The following MAPKAPK2 variants were observed in gnomAD, a reference collection of about 807,000 sequenced individuals.
MAPKAPK2 encodes the protein MAPK activated protein kinase 2, also known as MAP kinase-activated protein kinase 2.
MAPKAPK2 carries 9 observed loss-of-function variants against 48.8 expected under a neutral mutation model. The observed-to-expected ratio is 0.18, with a 90% CI of 0.11 to 0.32. MAPKAPK2 has a LOEUF of 0.32. MAPKAPK2 is among the 10% of genes least tolerant of loss of function. MAPKAPK2 has a pLI of 1.00. For synonymous variants in MAPKAPK2, 202 were observed against 190.6 expected (o/e 1.06, Z -0.49); for missense variants, 331 against 498.3 (o/e 0.66, Z 3.20).
chr1:206,696,239 C>A, intron 1 of MAPKAPK2: 1 of 1,389,622 alleles, frequency 7.2e-7, no homozygotes, highest in East Asian at 2.3e-5. Context: ...ACCTGTTCTT[C>A]CTTCTTTTCC....
chr1:206,722,830 C>A (rs1403388306), intron 1 of MAPKAPK2, among the ~76,000 whole-genome samples: 1 of 152,222 alleles, frequency 6.6e-6, no homozygotes, highest in Non-Finnish European at 1.5e-5. Context: ...TCCTTTACAC[C>A]CCTCAGAGCA....
chr1:206,704,034 T>C lies in MAPKAPK2; in HGVS notation c.279+18526T>C, dbSNP rs1672878813. Among the ~76,000 whole-genome samples the C allele has an allele frequency of 6.6e-6, 1 of 152,186 alleles. No individual in the cohort carries two copies. Among genetic ancestry groups the C allele is most frequent in the Non-Finnish European group, 1.5e-5 (1 of 68,022 alleles). ...CACCCTTTCAGGGTCTGCTTCATTA[T>C]GAATGAAGCAAAAAGCCTATCCCAG... On this transcript the variant is annotated intron_variant, in intron 1 of 9. Coordinates refer to ENST00000367103, the MANE Select transcript of MAPKAPK2 (RefSeq NM_032960.4). The surrounding 1 kb of genome is among the most constrained non-coding windows in gnomAD (Gnocchi z 4.3).
chr1:206,685,590 G>C (rs1672264552), intron 1 of MAPKAPK2, 82 bp downstream of exon 1: 22 of 1,196,558 alleles, frequency 1.8e-5, no homozygotes, highest in Non-Finnish European at 2.1e-5. Flanking sequence ...GTCCCGGCCT[G>C]GGTCGCGGCG....
chr1:206,723,769 C>G (rs1558585905), intron 1 of MAPKAPK2, among the ~76,000 whole-genome samples: 1 of 152,194 alleles, frequency 6.6e-6, no homozygotes, highest in Admixed American at 6.5e-5. Flanking sequence ...CCTTCTTCCC[C>G]TCAGGTGCTG....
chr1:206,724,492 T>C (rs4845132), intron 1 of MAPKAPK2, among the ~76,000 whole-genome samples: 147,961 of 151,692 alleles, frequency 0.98, 72,181 homozygotes, highest in East Asian at 1. Context: ...GTTGATTTTC[T>C]TATCCAGTCA....
chr1:206,723,979 AG>A (rs1313476082), intron 1 of MAPKAPK2, among the ~76,000 whole-genome samples: 3 of 152,244 alleles, frequency 2.0e-5, no homozygotes, highest in Non-Finnish European at 4.4e-5. Context: ...AGAGAATTTC[AG>A]GCACAAACTG....
chr1:206,731,502 T>A lies in MAPKAPK2; in HGVS notation c.893-138T>A, dbSNP rs898723401. ...CTCTCAAGTGGTACAGCCGTAATGG[T>A]CCTTGGGGCCAGTTGCTCCGGCAGC... On this transcript the variant is annotated intron_variant, in intron 7 of 9. Transcript: ENST00000367103. The surrounding 1 kb of genome is among the most constrained non-coding windows in gnomAD (Gnocchi z 5.9). The A allele has an allele frequency of 8.0e-5, 86 of 1,071,214 alleles. No homozygotes were observed. The highest frequency in any genetic ancestry group is 1.1e-4 in the Non-Finnish European group (80 of 708,908). The allele number at this position is 1,071,214 out of a possible 1,614,324, so 66.4% of individuals were successfully genotyped here.
intron 1 of MAPKAPK2, among the ~76,000 whole-genome samples, chr1:206,694,864 G>A (rs1394283331): frequency 6.6e-6 from 1 of 152,216 alleles, no homozygotes; most frequent in African/African-American, 2.4e-5. Context: ...CAGATCTCTG[G>A]CAGATGGGGA....
In MAPKAPK2 at chr1:206,731,490, C is replaced by G. The variant is rs1673909557; in HGVS notation, c.893-150C>G. 9.4e-7 allele frequency: 1 copy of G among 1,069,396 alleles called. No homozygotes were observed. Among genetic ancestry groups the G allele is most frequent in the Non-Finnish European group, 1.4e-6 (1 of 716,464 alleles). 66.2% of individuals were successfully genotyped at this position (1,069,396 alleles called of 1,614,324 possible). ...GCTGTGCAGGGCCTCTCAAGTGGTA[C>G]AGCCGTAATGGTCCTTGGGGCCAGT... On this transcript the variant is annotated intron_variant, in intron 7 of 9. Transcript: ENST00000367103. This position sits in a 1 kb window ranked among gnomAD's most constrained non-coding sequence, Gnocchi z 5.9.
intron 1 of MAPKAPK2, among the ~76,000 whole-genome samples, chr1:206,720,933 G>T (rs1038902320): frequency 2.0e-5 from 3 of 152,192 alleles, no homozygotes; most frequent in Non-Finnish European, 2.9e-5. Flanking sequence ...AGTGGCTGTA[G>T]ATTGTGTAGC....
At chr1:206,706,734 T>C (rs1233700439) in intron 1 of MAPKAPK2, among the ~76,000 whole-genome samples, 2 of 152,190 alleles carry the variant, frequency 1.3e-5, no homozygotes, top group African/African-American at 4.8e-5. Flanking sequence ...AAATCGGTCA[T>C]GATGGAAATT....
intron 5 of MAPKAPK2, 77 bp from the exon 6 acceptor site, chr1:206,730,611 A>T: frequency 8.0e-7 from 1 of 1,250,522 alleles, no homozygotes; most frequent in Non-Finnish European, 1.2e-6. Context: ...TGGGATGGGG[A>T]GCATCTTTCA....
chr1:206,729,973 C>G lies in MAPKAPK2; in HGVS notation c.566C>G (p.Pro189Arg). The G allele has an allele frequency of 6.2e-7, 1 of 1,614,226 alleles. No individual in the cohort carries two copies. Among genetic ancestry groups the G allele is most frequent in the Non-Finnish European group, 8.5e-7 (1 of 1,180,032 alleles). ...ATTTTTCTGTCTCTCTTTCTGTAGC[C>G]TGAGAATCTCTTATACACCTCCAAA... ...SINIAHRDVK[P>R]ENLLYTSKRP... is the part of the protein sequence containing the mutation. Residue 189 changes from proline (P) to arginine (R), a missense_variant and splice_region_variant, in exon 5 of 10, where the codon CCT becomes CGT. Physicochemically the swap from Pro to Arg is moderately radical, Grantham distance 103. This residue lies in a region of MAPKAPK2 where 111 missense variants were observed against 193.6 expected (regional missense o/e 0.57). Transcript: ENST00000367103.
At position 206,704,917 on chromosome 1, in the gene MAPKAPK2, C is replaced by T. The variant is rs1189232977; in HGVS notation, c.279+19409C>T. Reference sequence around the variant, plus strand: ...CCGTTTCTCCAAGTGCAGCGCCAGTCCCGAGACACTCTGTGATCATCTAAA... The same window carrying T: ...CCGTTTCTCCAAGTGCAGCGCCAGTTCCGAGACACTCTGTGATCATCTAAA... On this transcript the variant is annotated intron_variant, in intron 1 of 9. Transcript: ENST00000367103. This position sits in a 1 kb window ranked among gnomAD's most constrained non-coding sequence, Gnocchi z 4.3. Among the ~76,000 whole-genome samples the T allele has an allele frequency of 1.3e-5, 2 of 152,184 alleles. No individual in the cohort carries two copies. The highest frequency in any genetic ancestry group is 3.8e-4 in the East Asian group (2 of 5,198).
chr1:206,690,770 A>G (rs1672432027), intron 1 of MAPKAPK2, among the ~76,000 whole-genome samples: 2 of 152,208 alleles, frequency 1.3e-5, no homozygotes, highest in South Asian at 4.1e-4. Flanking sequence ...AGCAGGGCAC[A>G]GTCGTCTGCA....
intron 1 of MAPKAPK2, among the ~76,000 whole-genome samples, chr1:206,700,026 TAAAG>T (rs1222980796): frequency 1.1e-4 from 16 of 146,784 alleles, no homozygotes; most frequent in Admixed American, 3.4e-4. Flanking sequence ...TTTTTTTAAA[TAAAG>T]AAAGAAGCAG....
At chr1:206,718,725 AC>A (rs1209470896) in intron 1 of MAPKAPK2, among the ~76,000 whole-genome samples, 1 of 151,862 alleles carries the variant, frequency 6.6e-6, no homozygotes, top group East Asian at 1.9e-4. Flanking sequence ...TTATCTGACC[AC>A]CCTCTTATTG....
chr1:206,720,225 A>G (rs1420861348), intron 1 of MAPKAPK2, among the ~76,000 whole-genome samples: 3 of 152,272 alleles, frequency 2.0e-5, no homozygotes, highest in African/African-American at 7.2e-5. Context: ...TGTCTCTTTA[A>G]AAAGTAACAT....
At chr1:206,710,112 T>G (rs137902441) in intron 1 of MAPKAPK2, among the ~76,000 whole-genome samples, 124 of 152,356 alleles carry the variant, frequency 8.1e-4, no homozygotes, top group African/African-American at 2.7e-3. Flanking sequence ...TTCTAATCTG[T>G]GTGAATTTCA....
Sources: gnomAD v4.1 joint callset for allele counts (sites outside exome capture counted in the v4.1 genomes callset) on GRCh38, gnomAD v4.1.1 for gene constraint, gnomAD v4.1.1 regional missense constraint, Gnocchi (gnomAD v3.1) non-coding constraint, MANE v1.5 for transcripts, NCBI Gene and HGNC (gene_info 2026-07-23, HGNC 2026-07-21) for gene names.